MKLN1: variants seen among roughly 807,000 people sequenced by gnomAD.
MKLN1 encodes muskelin 1.
Under a neutral mutation model 99.0 loss-of-function variants are expected in MKLN1, and 18 were observed. The ratio of observed to expected loss-of-function variants is 0.18; its 90% CI spans 0.13 to 0.27. MKLN1 has a LOEUF of 0.27. Among genes scored for constraint, MKLN1 ranks in the 10% least tolerant of loss-of-function variants. The pLI is 1.00. For missense variants in MKLN1, 621 were observed against 875.9 expected (o/e 0.71, Z 3.67); for synonymous variants, 288 against 293.2 (o/e 0.98, Z 0.18).
intron 3 of MKLN1, among the ~76,000 whole-genome samples, chr7:131,246,416 A>G (rs1797490295): frequency 6.6e-6 from 1 of 152,246 alleles, no homozygotes; most frequent in Admixed American, 6.5e-5. Context: ...TATGAAGTCT[A>G]GTCTGGGTTA....
intron 1 of MKLN1, among the ~76,000 whole-genome samples, chr7:131,348,903 G>A (rs1799637286): frequency 6.6e-6 from 1 of 152,016 alleles, no homozygotes; most frequent in Non-Finnish European, 1.5e-5. Flanking sequence ...GTTTTAGATC[G>A]GTCATTTAAT....
At chr7:131,142,528 G>T (rs1288829246) in intron 1 of MKLN1, among the ~76,000 whole-genome samples, 1 of 152,000 alleles carries the variant, frequency 6.6e-6, no homozygotes, top group Non-Finnish European at 1.5e-5. Context: ...AAGGTCAGGA[G>T]ATCGAGATCA....
At chr7:131,384,800 AT>A (rs1793959058) in intron 2 of MKLN1, among the ~76,000 whole-genome samples, 1 of 152,258 alleles carries the variant, frequency 6.6e-6, no homozygotes, top group Non-Finnish European at 1.5e-5. Flanking sequence ...AATGTGCCAA[AT>A]AAGAAGTTAG....
chr7:131,429,185 G>A, intron 9 of MKLN1, 40 bp downstream of exon 9: 1 of 1,320,602 alleles, frequency 7.6e-7, no homozygotes, highest in South Asian at 1.3e-5. Context: ...ATTACAGAAG[G>A]GGCGTAGATG....
At chr7:131,330,856 C>A (rs1246760178) in intron 1 of MKLN1, among the ~76,000 whole-genome samples, 1 of 152,052 alleles carries the variant, frequency 6.6e-6, no homozygotes, top group African/African-American at 2.4e-5. Context: ...AATGTTAAAG[C>A]AGATTCAGTT....
intron 1 of MKLN1, among the ~76,000 whole-genome samples, chr7:131,347,011 A>T (rs1027752517): frequency 6.6e-6 from 1 of 152,220 alleles, no homozygotes; most frequent in Non-Finnish European, 1.5e-5. Flanking sequence ...TAATGAGCAG[A>T]TGATGCTCTT....
chr7:131,363,424 T>A (rs978261765), intron 1 of MKLN1, among the ~76,000 whole-genome samples: 6 of 152,072 alleles, frequency 3.9e-5, no homozygotes, highest in African/African-American at 1.4e-4. Context: ...TATTTCTGTT[T>A]CTTGCAATTT....
At chr7:131,404,130 A>G (rs955553419) in intron 6 of MKLN1, among the ~76,000 whole-genome samples, 4 of 152,102 alleles carry the variant, frequency 2.6e-5, no homozygotes, top group Non-Finnish European at 5.9e-5. Context: ...ATTTTTGCAT[A>G]TATTTGTGTA....
In MKLN1 at chr7:131,218,439, G is replaced by A. The variant is rs148053468; in HGVS notation, c.-179+15465G>A. 9.7e-4 allele frequency among the ~76,000 whole-genome samples: 147 copies of A among 152,310 alleles called. 1 individual carries two copies. Among genetic ancestry groups the A allele is most frequent in the Middle Eastern group, 3.4e-3 (1 of 294 alleles). ...TGGTTTTGGTCCCTGAGCAAGTAGA[G>A]GGGGTTAGTTCAGGAAAGAAGTATC... is the stretch of plus-strand genomic sequence containing the variant. On this transcript the variant is annotated intron_variant, in intron 3 of 7. Transcript: ENST00000416992.
intron 1 of MKLN1, among the ~76,000 whole-genome samples, chr7:131,348,648 G>A (rs539219583): frequency 6.6e-6 from 1 of 152,004 alleles, no homozygotes; most frequent in African/African-American, 2.4e-5. Flanking sequence ...TTAGGGCATT[G>A]GTCAAAGATA....
At chr7:131,483,068 C>G (rs1797169913) in intron 17 of MKLN1, among the ~76,000 whole-genome samples, 1 of 152,176 alleles carries the variant, frequency 6.6e-6, no homozygotes, top group Non-Finnish European at 1.5e-5. Context: ...GTTTCCACTG[C>G]TCAAATGGTT....
chr7:131,246,735 G>C (rs1432336539), intron 3 of MKLN1, among the ~76,000 whole-genome samples: 1 of 151,900 alleles, frequency 6.6e-6, no homozygotes, highest in Admixed American at 6.6e-5. Flanking sequence ...GCCCGCCTCA[G>C]CCTCCCAAAG....
At chr7:131,450,521 TCA>T (rs1189870971) in intron 12 of MKLN1, among the ~76,000 whole-genome samples, 1 of 152,208 alleles carries the variant, frequency 6.6e-6, no homozygotes. Context: ...TTAACATAAT[TCA>T]CAGACTCTTT....
chr7:131,151,390 T>G (rs964476224), intron 2 of MKLN1, among the ~76,000 whole-genome samples: 6 of 152,206 alleles, frequency 3.9e-5, no homozygotes, highest in African/African-American at 1.2e-4. Flanking sequence ...TGTGCCAAAC[T>G]GGATCTGTTG....
intron 3 of MKLN1, among the ~76,000 whole-genome samples, chr7:131,279,011 G>A (rs1269989070): frequency 1.3e-5 from 2 of 152,196 alleles, no homozygotes; most frequent in Admixed American, 6.5e-5. Flanking sequence ...GATTGAGAGA[G>A]ATTAAGTGAA....
At chr7:131,420,472 C>G (rs149836199) in intron 8 of MKLN1, among the ~76,000 whole-genome samples, 1 of 152,208 alleles carries the variant, frequency 6.6e-6, no homozygotes, top group East Asian at 1.9e-4. Flanking sequence ...ATGGGTACAA[C>G]AAGAGGATCC....
At chr7:131,165,995 G>T (rs1238829673) in intron 2 of MKLN1, among the ~76,000 whole-genome samples, 1 of 152,112 alleles carries the variant, frequency 6.6e-6, no homozygotes, top group Non-Finnish European at 1.5e-5. Context: ...TGCACCTGTG[G>T]TTCCGGCTGT....
chr7:131,399,745 C>A (rs949850334), intron 6 of MKLN1, among the ~76,000 whole-genome samples: 1 of 151,966 alleles, frequency 6.6e-6, no homozygotes, highest in African/African-American at 2.4e-5. Flanking sequence ...ATATTGGTAG[C>A]CAATATTCAT....
chr7:131,436,557 T>C (rs1024048066), intron 9 of MKLN1, among the ~76,000 whole-genome samples: 2 of 152,216 alleles, frequency 1.3e-5, no homozygotes, highest in African/African-American at 4.8e-5. Flanking sequence ...TTTGCTATCT[T>C]ACTTCCTAGT....
Sources: gnomAD v4.1 joint callset for allele counts (sites outside exome capture counted in the v4.1 genomes callset) on GRCh38, gnomAD v4.1.1 for gene constraint, MANE v1.5 for transcripts, NCBI Gene and HGNC (gene_info 2026-07-23, HGNC 2026-07-21) for gene names.